The following MUC5AC variants were observed in gnomAD, a reference collection of about 807,000 sequenced individuals.
MUC5AC encodes mucin 5AC, oligomeric mucus/gel-forming.
A neutral mutation model predicts 169.7 loss-of-function variants in MUC5AC; 158 were observed. That is an observed-to-expected ratio of 0.93 (90% CI 0.82 to 1.06). The LOEUF is 1.06. Ranked by LOEUF, MUC5AC falls within the 50% of genes least tolerant of loss-of-function variation. The pLI is 0.00. For missense variants in MUC5AC, 4,359 were observed against 3,089.9 expected (o/e 1.41, Z -9.74); for synonymous variants, 1,975 against 1,237.0 (o/e 1.60, Z -12.52).
rs1403721753 is a variant in MUC5AC, at chr11:1,179,158, T to C, written c.3394T>C (p.Cys1132Arg). The C allele has an allele frequency of 1.5e-6, 1 of 680,024 alleles. No homozygotes were observed. The highest frequency in any genetic ancestry group is 2.7e-6 in the Non-Finnish European group (1 of 372,750). The allele number at this position is 680,024 out of a possible 1,614,324, so 42.1% of individuals were successfully genotyped here. A position where few individuals can be genotyped will look rare whatever the true frequency, so the allele number is the denominator to read the frequency against. ...DACACDSGGD[C>R]ECFCTAVAAY... ...GTGCGCCTGCGACTCCGGGGGTGACTGCGAGTGCTTCTGCACGGCTGTGGC... is the reference window on the plus strand; with the variant it reads ...GTGCGCCTGCGACTCCGGGGGTGACCGCGAGTGCTTCTGCACGGCTGTGGC... Residue 1132 changes from cysteine to arginine, a missense_variant, in exon 26 of 49, where the codon TGC (cysteine) becomes CGC (arginine). Cys to Arg is a radical substitution (Grantham distance 180). Transcript: ENST00000621226.
rs1185799813 is a variant in MUC5AC at position 1,184,351 on chromosome 11, C to T, written c.6206C>T (p.Pro2069Leu). The change falls in exon 31 of 49, where the codon CCA becomes CTA. Residue 2069 changes from proline (P) to leucine (L), a missense_variant. Coordinates refer to ENST00000621226, the MANE Select transcript of MUC5AC (RefSeq NM_001304359.2). ...TVATTRPTPH[P>L]TGAQTQTTFT... is the part of the protein sequence containing the mutation. ...GCAACGACACGGCCGACTCCACATCCAACCGGAGCTCAGACCCAGACCACC... is the reference window on the plus strand; with the variant it reads ...GCAACGACACGGCCGACTCCACATCTAACCGGAGCTCAGACCCAGACCACC... The T allele has an allele frequency of 8.3e-6, 4 of 483,476 alleles. No individual in the cohort carries two copies. The highest frequency in any genetic ancestry group is 2.0e-5 in the African/African-American group (1 of 51,212). 29.9% of individuals were successfully genotyped at this position (483,476 alleles called of 1,614,324 possible). A position where few individuals can be genotyped will look rare whatever the true frequency, so the allele number is the denominator to read the frequency against.
chr11:1,198,078 C>A (rs2133777856), intron 42 of MUC5AC, 74 bp downstream of exon 42: 1 of 643,472 alleles, frequency 1.6e-6, no homozygotes, highest in South Asian at 1.7e-5. Context: ...GGGGCCATAA[C>A]CAGATGCCAG....
At position 1,162,118 on chromosome 11, in the gene MUC5AC, T is replaced by C. The variant is rs757989366; in HGVS notation, c.423T>C (p.Asp141=). The change falls in exon 4 of 49, where the codon GAT becomes GAC. Residue 141 remains aspartate (D), a synonymous_variant. Coordinates refer to ENST00000621226, the MANE Select transcript of MUC5AC (RefSeq NM_001304359.2). ...TGAGCAGGGTCCTCATGAAGGTGGA[T>C]GGCGTGGTCATCCAGCTGACCAAGG... is the stretch of plus-strand genomic sequence containing the variant. ...PTLSRVLMKV[D]GVVIQLTKGS... The C allele has an allele frequency of 3.1e-6, 5 of 1,612,476 alleles. No homozygotes were observed. The African/African-American group carries it at 5.3e-5, about 17-fold the overall frequency.
chr11:1,171,234 T>TCAA (rs2133734743), intron 15 of MUC5AC, among the ~76,000 whole-genome samples: 1 of 111,198 alleles, frequency 9.0e-6, no homozygotes, highest in African/African-American at 3.6e-5. Context: ...ACTCACCCAT[T>TCAA]CACTCATTCA....
chr11:1,199,438 G>C lies in MUC5AC; in HGVS notation c.16463G>C (p.Gly5488Ala), dbSNP rs944242515. 6 of 730,620 alleles carry C rather than the reference G, an allele frequency of 8.2e-6. No individual in the cohort carries two copies. Among genetic ancestry groups the C allele is most frequent in the Non-Finnish European group, 1.5e-5 (6 of 400,714 alleles). The allele number at this position is 730,620 out of a possible 1,614,324, so 45.3% of individuals were successfully genotyped here. A position where few individuals can be genotyped will look rare whatever the true frequency, so the allele number is the denominator to read the frequency against. The change falls in exon 46 of 49, where the codon GGG becomes GCG. Residue 5488 changes from glycine to alanine, a missense_variant. Coordinates refer to ENST00000621226, the MANE Select transcript of MUC5AC (RefSeq NM_001304359.2). ...CACCAGTGTGAGAAGCACCAGGATG[G>C]GCTCGTGGTGGTCACCACGAAGAAG... ...VTHQCEKHQDGLVVVTTKKAC... is the reference protein window; with the variant it reads ...VTHQCEKHQDALVVVTTKKAC...
At position 1,185,483 on chromosome 11, in the gene MUC5AC, T is replaced by C; in HGVS notation, c.7338T>C (p.Ser2446=). 1.4e-6 allele frequency: 1 copy of C among 728,432 alleles called. No individual in the cohort carries two copies. The highest frequency in any genetic ancestry group is 1.4e-5 in the South Asian group (1 of 69,888). 45.1% of individuals were successfully genotyped at this position (728,432 alleles called of 1,614,324 possible). A position where few individuals can be genotyped will look rare whatever the true frequency, so the allele number is the denominator to read the frequency against. ...TTSAPTTSTT[S]GPGTTPSPVP... is the part of the protein sequence containing the mutation. ...CGGCTCCTACAACCAGCACAACTTC[T>C]GGTCCTGGAACTACCCCAAGCCCTG... The change falls in exon 31 of 49, where the codon TCT becomes TCC. Residue 2446 remains serine (S), a synonymous_variant. Transcript: ENST00000621226.
At chr11:1,200,220 G>A (rs1233611186) in intron 48 of MUC5AC, among the ~76,000 whole-genome samples, 1 of 152,236 alleles carries the variant, frequency 6.6e-6, no homozygotes, top group African/African-American at 2.4e-5. Context: ...CAGCCGCCCC[G>A]AGTCTCCCTC....
chr11:1,189,779 C>T lies in MUC5AC; in HGVS notation c.11634C>T (p.Ser3878=), dbSNP rs1457033963. The change falls in exon 31 of 49, where the codon AGC becomes AGT. Residue 3878 remains serine (S), a synonymous_variant. Coordinates refer to ENST00000621226, the MANE Select transcript of MUC5AC (RefSeq NM_001304359.2). ...GCACAATCTCTGCCCCTACAACCAG[C>T]ACAACCTCTTTCCATACAACCAGCA... ...TASTISAPTT[S]TTSFHTTSTT... 1.4e-6 allele frequency: 1 copy of T among 696,978 alleles called. No homozygotes were observed. The highest frequency in any genetic ancestry group is 1.7e-5 in the African/African-American group (1 of 57,460). 43.2% of individuals were successfully genotyped at this position (696,978 alleles called of 1,614,324 possible).
At chr11:1,173,431 AT>A in intron 16 of MUC5AC, among the ~76,000 whole-genome samples, 1 of 150,834 alleles carries the variant, frequency 6.6e-6, no homozygotes, top group African/African-American at 2.5e-5. Flanking sequence ...CTACTCATTC[AT>A]TCATCCACTC....
intron 19 of MUC5AC, among the ~76,000 whole-genome samples, chr11:1,175,480 C>T (rs1860646849): frequency 1.9e-5 from 2 of 106,230 alleles, no homozygotes; most frequent in African/African-American, 6.7e-5. Flanking sequence ...CACACCCACT[C>T]ATGCACATGC....
chr11:1,174,565 G>T lies in MUC5AC; in HGVS notation c.2035G>T (p.Val679Leu). The change falls in exon 17 of 49, where the codon GTG becomes TTG. Residue 679 changes from valine (V) to leucine (L), a missense_variant. Physicochemically the swap from Val to Leu is conservative, Grantham distance 32. Transcript: ENST00000621226. ...CCTGTGCGCCGCGCTGTCCTCCTAC[G>T]TGCACGCCTGTGCCGCCAAGGGCGT... ...DCLCAALSSY[V>L]HACAAKGVQL... 4 of 1,539,460 alleles carry T rather than the reference G, an allele frequency of 2.6e-6. No individual in the cohort carries two copies. Among genetic ancestry groups the T allele is most frequent in the East Asian group, 4.8e-5 (2 of 41,382 alleles).
At chr11:1,196,353 C>A (rs771306055) in intron 37 of MUC5AC, 35 bp from the exon 38 acceptor site, 31 of 763,282 alleles carry the variant, frequency 4.1e-5, no homozygotes, top group Non-Finnish European at 7.0e-5. Flanking sequence ...TGGGTGCCCT[C>A]CCACCCTCTC....
At chr11:1,194,871 C>T (rs1051361517) in intron 35 of MUC5AC, 141 bp from the exon 36 acceptor site, 22 of 617,176 alleles carry the variant, frequency 3.6e-5, no homozygotes, top group Non-Finnish European at 5.8e-5. Flanking sequence ...GGGTTGTTCT[C>T]GGGGGACAGT....
In MUC5AC at chr11:1,189,266, C is replaced by A; in HGVS notation, c.11121C>A (p.Ala3707=). The stretch of plus-strand genomic sequence containing the variant: ...CTCCCACAACGAGCACAACTTCTGC[C>A]CCTACAACCAGCACAACCTCCACTC... ...TSAPTTSTTS[A]PTTSTTSTPQ... Residue 3707 remains alanine, a synonymous_variant, in exon 31 of 49, where the codon GCC becomes GCA. Transcript: ENST00000621226. 1.7e-6 allele frequency: 1 copy of A among 585,206 alleles called. No homozygotes were observed. Among genetic ancestry groups the A allele is most frequent in the Admixed American group, 3.0e-5 (1 of 33,524 alleles). The allele number at this position is 585,206 out of a possible 1,614,324, so 36.3% of individuals were successfully genotyped here.
chr11:1,164,347 A>G lies in MUC5AC; in HGVS notation c.1003+28A>G, dbSNP rs751022263. 7 of 1,611,256 alleles carry G rather than the reference A, an allele frequency of 4.3e-6. No homozygotes were observed. The East Asian group carries it at 1.3e-4, about 31-fold the overall frequency. On this transcript the variant is annotated intron_variant, in intron 8 of 48. Coordinates refer to ENST00000621226, the MANE Select transcript of MUC5AC (RefSeq NM_001304359.2). ...GAGTGTCCCAGCCCCCTGTCCCCCA[A>G]CCCCTTTGGCAGGGAGGGCAGGGGC...
rs1222188076 is a variant in MUC5AC at position 1,167,899 on chromosome 11, C to A, written c.1409C>A (p.Thr470Asn). The A allele has an allele frequency of 8.4e-6, 13 of 1,550,346 alleles. No individual in the cohort carries two copies. The highest frequency in any genetic ancestry group is 1.4e-5 in the African/African-American group (1 of 73,064). The change falls in exon 12 of 49, where the codon ACT becomes AAT. Residue 470 changes from threonine to asparagine, a missense_variant. Thr to Asn is a moderately conservative substitution (Grantham distance 65). Transcript: ENST00000621226. ...CAGCCCTGTGACAGCAGTGCCTTCA[C>A]TGTACTGGCTGAGCTGCGCAGGTGC... ...LTKPCDSSAF[T>N]VLAELRRCGL...
intron 27 of MUC5AC, 86 bp downstream of exon 27, chr11:1,180,236 C>G: frequency 5.0e-6 from 2 of 398,560 alleles, no homozygotes. Context: ...GTGGCCCCAG[C>G]TTCCAGCACA....
Position 1,194,326 on chromosome 11 carries a change from C to A in MUC5AC, c.14972C>A (p.Thr4991Asn), listed in dbSNP as rs576128591. 1.4e-6 allele frequency: 1 copy of A among 734,492 alleles called. No individual in the cohort carries two copies. Among genetic ancestry groups the A allele is most frequent in the Non-Finnish European group, 2.5e-6 (1 of 404,258 alleles). 45.5% of individuals were successfully genotyped at this position (734,492 alleles called of 1,614,324 possible). ...TACCACCAGGACCGCGTGGTGCTGA[C>A]CCGCAAGCCAGTCCACGGGGTGATG... ...LEYHQDRVVL[T>N]RKPVHGVMTN... is the part of the protein sequence containing the mutation. The change falls in exon 34 of 49, where the codon ACC becomes AAC. Residue 4991 changes from threonine to asparagine, a missense_variant. Coordinates refer to ENST00000621226, the MANE Select transcript of MUC5AC (RefSeq NM_001304359.2).
intron 9 of MUC5AC, 41 bp from the exon 10 acceptor site, chr11:1,165,261 A>G (rs780088559): frequency 3.1e-5 from 49 of 1,563,392 alleles, no homozygotes; most frequent in Admixed American, 6.9e-5. Flanking sequence ...CACTGCGTGG[A>G]CACAGCAGGC....
Sources: gnomAD v4.1 joint callset for allele counts (sites outside exome capture counted in the v4.1 genomes callset) on GRCh38, gnomAD v4.1.1 for gene constraint, MANE v1.5 for transcripts, NCBI Gene and HGNC (gene_info 2026-07-23, HGNC 2026-07-21) for gene names.